The following AGBL1 variants were observed in gnomAD, a reference collection of about 807,000 sequenced individuals.
AGBL1 encodes cytosolic carboxypeptidase 4.
In AGBL1, 130 loss-of-function variants were observed where a neutral mutation model predicts 118.9. The observed-to-expected ratio is 1.09, with a 90% CI of 0.95 to 1.26. The LOEUF is 1.26. Among genes scored for constraint, AGBL1 ranks in the 50% most tolerant of loss-of-function variants. AGBL1 has a pLI of 0.00. For synonymous variants in AGBL1, 555 were observed against 478.9 expected, an observed-to-expected ratio of 1.16 and a Z score of -2.08; for missense variants, 1,584 against 1,298.1, an observed-to-expected ratio of 1.22 and a Z score of -3.38.
chr15:86,677,082 A>C (rs2085862233), intron 22 of AGBL1, among the ~76,000 whole-genome samples: 1 of 152,182 alleles, frequency 6.6e-6, no homozygotes, highest in Non-Finnish European at 1.5e-5. Flanking sequence ...CACAGACAGC[A>C]TTAACTCCTT....
chr15:86,276,716 G>A (rs1029887083), intron 15 of AGBL1, among the ~76,000 whole-genome samples: 1 of 152,164 alleles, frequency 6.6e-6, no homozygotes, highest in Non-Finnish European at 1.5e-5. Flanking sequence ...GCTAAATAAG[G>A]AAGATGGAAA....
intron 5 of AGBL1, among the ~76,000 whole-genome samples, chr15:86,174,474 T>G (rs1256299791): frequency 2.6e-5 from 4 of 152,190 alleles, no homozygotes; most frequent in Admixed American, 2.6e-4. Flanking sequence ...CGGCTAGAAC[T>G]GTCAGTACTA....
intron 18 of AGBL1, among the ~76,000 whole-genome samples, chr15:86,481,436 C>G (rs17617864): frequency 0.039 from 5,976 of 152,178 alleles, 173 homozygotes; most frequent in East Asian, 0.072. Context: ...CTTCTGGGAG[C>G]AGGACTTTCT....
intron 17 of AGBL1, among the ~76,000 whole-genome samples, chr15:86,379,124 G>T (rs2081078308): frequency 6.6e-6 from 1 of 151,746 alleles, no homozygotes. Flanking sequence ...TGTTGGTCAG[G>T]CTGGTCTTGA....
At chr15:86,759,665 C>T (rs1482997768) in intron 22 of AGBL1, among the ~76,000 whole-genome samples, 1 of 152,022 alleles carries the variant, frequency 6.6e-6, no homozygotes, top group African/African-American at 2.4e-5. Flanking sequence ...GACATCTAGA[C>T]ATTCATTGAG....
At chr15:86,845,250 T>C (rs188317878) in intron 22 of AGBL1, among the ~76,000 whole-genome samples, 1 of 152,250 alleles carries the variant, frequency 6.6e-6, no homozygotes, top group East Asian at 1.9e-4. Context: ...AGGAAAATTG[T>C]CATCTTAATA....
At chr15:86,594,494 A>G (rs2084380352) in intron 21 of AGBL1, among the ~76,000 whole-genome samples, 1 of 152,198 alleles carries the variant, frequency 6.6e-6, no homozygotes, top group African/African-American at 2.4e-5. Context: ...TCTCTGAAAT[A>G]TTTACTAGAA....
At chr15:86,846,548 T>C (rs2079321745) in intron 22 of AGBL1, among the ~76,000 whole-genome samples, 1 of 152,084 alleles carries the variant, frequency 6.6e-6, no homozygotes, top group Admixed American at 6.6e-5. Flanking sequence ...TTTGTTTGTT[T>C]TGAGACGGAG....
chr15:86,269,827 A>C, intron 13 of AGBL1, 92 bp from the exon 14 acceptor site: 1 of 1,414,278 alleles, frequency 7.1e-7, no homozygotes, highest in Non-Finnish European at 9.6e-7. Context: ...TTAGATCTGT[A>C]ACCCAGAAAC....
chr15:86,877,560 T>G (rs1421011068), intron 22 of AGBL1, among the ~76,000 whole-genome samples: 4 of 152,176 alleles, frequency 2.6e-5, no homozygotes, highest in African/African-American at 9.7e-5. Context: ...TAGAAGGTAA[T>G]GAAGCATGAG....
intron 22 of AGBL1, among the ~76,000 whole-genome samples, chr15:86,876,673 A>G (rs750447990): frequency 3.9e-5 from 6 of 152,122 alleles, no homozygotes; most frequent in Non-Finnish European, 7.4e-5. Flanking sequence ...CTATCATTCA[A>G]CTCTGCCCTT....
intron 22 of AGBL1, among the ~76,000 whole-genome samples, chr15:86,723,549 A>G (rs926628928): frequency 1.3e-5 from 2 of 152,154 alleles, no homozygotes; most frequent in African/African-American, 4.8e-5. Context: ...AGATATACCT[A>G]ATATTAAATG....
intron 22 of AGBL1, among the ~76,000 whole-genome samples, chr15:86,875,342 G>A (rs1457439286): frequency 1.3e-5 from 2 of 152,182 alleles, no homozygotes; most frequent in African/African-American, 4.8e-5. Context: ...TATCCAGAAC[G>A]TGGTTGACAA....
intron 17 of AGBL1, among the ~76,000 whole-genome samples, chr15:86,382,901 C>A (rs2081131448): frequency 6.6e-6 from 1 of 152,252 alleles, no homozygotes; most frequent in African/African-American, 2.4e-5. Flanking sequence ...CAGAACTGCA[C>A]AAACGACCTG....
At chr15:86,495,971 A>G (rs544316287) in intron 18 of AGBL1, among the ~76,000 whole-genome samples, 88 of 151,894 alleles carry the variant, frequency 5.8e-4, no homozygotes, top group African/African-American at 2.0e-3. Flanking sequence ...CCCCAATACT[A>G]GTATTGCTAC....
chr15:86,252,491 A>G (rs1358724067), intron 7 of AGBL1, among the ~76,000 whole-genome samples: 1 of 152,134 alleles, frequency 6.6e-6, no homozygotes, highest in African/African-American at 2.4e-5. Flanking sequence ...GTGATAGAGG[A>G]CTCATCATCT....
At chr15:86,335,967 C>A (rs192097348) in intron 17 of AGBL1, among the ~76,000 whole-genome samples, 2 of 152,196 alleles carry the variant, frequency 1.3e-5, no homozygotes, top group Non-Finnish European at 2.9e-5. Flanking sequence ...CAGCCCCTCT[C>A]GCACAGTGAT....
intron 21 of AGBL1, among the ~76,000 whole-genome samples, chr15:86,606,656 A>G (rs1270415269): frequency 6.6e-6 from 1 of 152,206 alleles, no homozygotes; most frequent in African/African-American, 2.4e-5. Context: ...ATTAAAGATA[A>G]TTAACAGGCT....
chr15:87,029,054 G>A, downstream of AGBL1: 2 of 508,218 alleles, frequency 3.9e-6, no homozygotes, highest in East Asian at 3.1e-5. Context: ...CCACCTATTT[G>A]GTTCATAGTT....
Sources: allele counts gnomAD v4.1 joint callset (sites outside exome capture counted in the v4.1 genomes callset), GRCh38; gene constraint gnomAD v4.1.1; transcripts MANE v1.5; gene names NCBI Gene and HGNC (gene_info 2026-07-23, HGNC 2026-07-21).